The following CLIC5 variants were observed in gnomAD, a reference collection of about 807,000 sequenced individuals.
CLIC5 encodes chloride intracellular channel protein 5.
A neutral mutation model predicts 24.7 loss-of-function variants in CLIC5; 20 were observed. The observed-to-expected ratio is 0.81, with a 90% CI of 0.57 to 1.18. The LOEUF (loss-of-function observed/expected upper bound fraction) is 1.18. Ranked by LOEUF, CLIC5 falls within the 50% of genes most tolerant of loss-of-function variation. The probability of loss-of-function intolerance (pLI) is 0.00; values close to 1 mark genes in which losing one functional copy is unlikely to be tolerated. For synonymous variants in CLIC5, 159 were observed against 135.6 expected (o/e 1.17, Z -1.20); for missense variants, 341 against 326.1 (o/e 1.05, Z -0.35).
chr6:45,933,965 G>A (rs1351678359), intron 4 of CLIC5, among the ~76,000 whole-genome samples: 1 of 152,354 alleles, frequency 6.6e-6, no homozygotes, highest in Non-Finnish European at 1.5e-5. Context: ...GGAGTCTACA[G>A]CAGCCTGAAA....
intron 3 of CLIC5, among the ~76,000 whole-genome samples, chr6:45,942,764 C>A (rs1333319751): frequency 6.6e-6 from 1 of 152,146 alleles, no homozygotes; most frequent in Non-Finnish European, 1.5e-5. Flanking sequence ...CTTTTGGGGC[C>A]CCTTTTGGGG....
intron 4 of CLIC5, among the ~76,000 whole-genome samples, chr6:45,934,947 C>T (rs887443181): frequency 2.0e-5 from 3 of 152,068 alleles, no homozygotes; most frequent in African/African-American, 4.8e-5. Flanking sequence ...CTGCCATATG[C>T]GATGGGGACA....
At chr6:45,918,851 AT>A (rs1469928960) in intron 4 of CLIC5, 3 of 673,558 alleles carry the variant, frequency 4.5e-6, no homozygotes, top group Non-Finnish European at 5.5e-6. Context: ...TGCAACTACC[AT>A]TTAAACACAC....
At chr6:45,925,007 G>A (rs904788979) in intron 4 of CLIC5, among the ~76,000 whole-genome samples, 10 of 152,144 alleles carry the variant, frequency 6.6e-5, no homozygotes, top group African/African-American at 2.2e-4. Context: ...AGTCACACAC[G>A]AAAGATGGAG....
chr6:46,068,514 G>A (rs527899992), intron 1 of CLIC5, among the ~76,000 whole-genome samples: 1 of 152,136 alleles, frequency 6.6e-6, no homozygotes, highest in Admixed American at 6.6e-5. Flanking sequence ...TCCTTCAGGA[G>A]TTCACAGCTA....
intron 1 of CLIC5, among the ~76,000 whole-genome samples, chr6:45,964,937 A>G (rs1359254154): frequency 6.6e-6 from 1 of 152,218 alleles, no homozygotes; most frequent in Non-Finnish European, 1.5e-5. Context: ...AACATATAGT[A>G]TTTACTTTAT....
At chr6:46,061,764 G>A (rs1210316515) in intron 1 of CLIC5, among the ~76,000 whole-genome samples, 2 of 152,204 alleles carry the variant, frequency 1.3e-5, no homozygotes, top group Non-Finnish European at 2.9e-5. Flanking sequence ...TTCATACCAA[G>A]TTGTATCACA....
intron 5 of CLIC5, 23 bp from the exon 6 acceptor site, chr6:45,903,278 G>C (rs1327762938): frequency 2.6e-6 from 4 of 1,559,328 alleles, no homozygotes; most frequent in Non-Finnish European, 3.5e-6. Flanking sequence ...TGGCAGGACA[G>C]AGGTGGTGTG....
the CLIC5 span, among the ~76,000 whole-genome samples, chr6:46,112,512 G>A: frequency 6.6e-6 from 1 of 152,108 alleles, no homozygotes; most frequent in Non-Finnish European, 1.5e-5. Flanking sequence ...CTTTGGGGGG[G>A]TAATCACTCT....
Position 45,949,388 on chromosome 6 carries a change from A to G in CLIC5, c.174-7T>C. The stretch of plus-strand genomic sequence containing the variant: ...GTGCAGGTCAGCTGGCTTTCTGTAG[A>G]GAGAGCAAGATTCAGGTGTTGGCTT... On this transcript the variant is annotated splice_polypyrimidine_tract_variant and splice_region_variant and intron_variant, in intron 2 of 5. Transcript: ENST00000339561. 1 of 1,611,994 alleles carries G rather than the reference A, an allele frequency of 6.2e-7. No individual in the cohort carries two copies. Among genetic ancestry groups the G allele is most frequent in the Non-Finnish European group, 8.5e-7 (1 of 1,179,070 alleles).
intron 1 of CLIC5, among the ~76,000 whole-genome samples, chr6:45,991,228 G>C (rs1221006697): frequency 6.6e-6 from 1 of 152,210 alleles, no homozygotes; most frequent in African/African-American, 2.4e-5. Context: ...CAAAAGAGAT[G>C]CTATCCTGGG....
chr6:45,903,564 A>G (rs1244656634), intron 5 of CLIC5, among the ~76,000 whole-genome samples: 2 of 152,226 alleles, frequency 1.3e-5, no homozygotes, highest in Non-Finnish European at 2.9e-5. Context: ...AGCTATTTTG[A>G]ATAACAAAAA....
intron 1 of CLIC5, among the ~76,000 whole-genome samples, chr6:46,077,365 C>T (rs1035348384): frequency 1.3e-5 from 2 of 151,952 alleles, no homozygotes; most frequent in East Asian, 3.9e-4. Context: ...CACACTAAAA[C>T]AGCCCAGGAG....
At chr6:45,991,992 T>C (rs1044499277) in intron 1 of CLIC5, among the ~76,000 whole-genome samples, 19 of 152,160 alleles carry the variant, frequency 1.2e-4, no homozygotes, top group African/African-American at 4.1e-4. Context: ...CAACTTATGA[T>C]CATAGCAAAA....
chr6:45,954,316 A>G (rs145074099), intron 2 of CLIC5, among the ~76,000 whole-genome samples: 1 of 151,970 alleles, frequency 6.6e-6, no homozygotes, highest in Non-Finnish European at 1.5e-5. Context: ...TAGAAGAAAA[A>G]AGGAGTTCAA....
chr6:45,963,547 T>C (rs1764921576), intron 1 of CLIC5, among the ~76,000 whole-genome samples: 1 of 152,138 alleles, frequency 6.6e-6, no homozygotes, highest in African/African-American at 2.4e-5. Flanking sequence ...TTCTCCTCCA[T>C]GCTTGGTGCT....
chr6:45,901,596 C>G lies in CLIC5; in HGVS notation c.*1492G>C, dbSNP rs1416282268. 1 of 152,072 alleles carries G rather than the reference C, an allele frequency of 6.6e-6. No individual in the cohort carries two copies. The highest frequency in any genetic ancestry group is 1.5e-5 in the Non-Finnish European group (1 of 68,084). The allele number at this position is 152,072 out of a possible 1,614,324, so 9.4% of individuals were successfully genotyped here. ...GAAGGGGGATTGTTGAAGGTAAGGG[C>G]CTGTGGCAAATGGATTTTCTCACCG... On this transcript the variant is annotated 3_prime_UTR_variant, in exon 6 of 6. Transcript: ENST00000339561.
intron 1 of CLIC5, among the ~76,000 whole-genome samples, chr6:46,078,561 A>T (rs570871758): frequency 6.6e-6 from 1 of 152,164 alleles, no homozygotes; most frequent in Non-Finnish European, 1.5e-5. Flanking sequence ...ACTATATTGT[A>T]TTAGAATACA....
intron 2 of CLIC5, among the ~76,000 whole-genome samples, chr6:45,954,267 T>A: frequency 8.7e-6 from 1 of 115,008 alleles, no homozygotes; most frequent in African/African-American, 3.8e-5. Context: ...AGTGAGACTC[T>A]GTCTCAAAAA....
Sources: allele counts gnomAD v4.1 joint callset (sites outside exome capture counted in the v4.1 genomes callset), GRCh38; gene constraint gnomAD v4.1.1; transcripts MANE v1.5; gene names NCBI Gene and HGNC (gene_info 2026-07-23, HGNC 2026-07-21).